CADPS: variants seen among roughly 807,000 people sequenced by gnomAD.
The protein encoded by CADPS is calcium-dependent secretion activator 1.
CADPS carries 57 observed loss-of-function variants against 167.3 expected under a neutral mutation model. That is an observed-to-expected ratio of 0.34 (90% CI 0.28 to 0.42). The LOEUF (loss-of-function observed/expected upper bound fraction) is 0.42, where lower values mean the gene tolerates loss of function less well. Among genes scored for constraint, CADPS ranks in the 20% least tolerant of loss-of-function variants. CADPS has a pLI of 1.00. For synonymous variants in CADPS, 676 were observed against 635.3 expected (o/e 1.06, Z -0.96); for missense variants, 1,414 against 1,738.1 (o/e 0.81, Z 3.32).
At chr3:62,766,179 A>C (rs1576090311) in intron 1 of CADPS, among the ~76,000 whole-genome samples, 195 bp from the exon 2 acceptor site, 1 of 152,150 alleles carries the variant, frequency 6.6e-6, no homozygotes, top group Admixed American at 6.5e-5. Flanking sequence ...ATAATATATA[A>C]ATAAATTATA....
intron 6 of CADPS, among the ~76,000 whole-genome samples, chr3:62,597,691 G>A (rs1055266230): frequency 6.6e-6 from 1 of 152,118 alleles, no homozygotes; most frequent in African/African-American, 2.4e-5. Context: ...TCAGCTGGAC[G>A]GAATTCAGGC....
intron 1 of CADPS, among the ~76,000 whole-genome samples, chr3:62,804,103 G>A (rs11709575): frequency 0.18 from 26,924 of 152,044 alleles, 2,799 homozygotes; most frequent in Middle Eastern, 0.3. Context: ...CAATCAGGAC[G>A]TATTAATTTG....
intron 18 of CADPS, among the ~76,000 whole-genome samples, chr3:62,496,294 C>T (rs1468377638): frequency 6.6e-6 from 1 of 152,044 alleles, no homozygotes; most frequent in East Asian, 1.9e-4. Flanking sequence ...CTCAGCACCT[C>T]CCTGGAAGAT....
chr3:62,561,586 A>C (rs554487143), intron 9 of CADPS, among the ~76,000 whole-genome samples: 2 of 152,066 alleles, frequency 1.3e-5, no homozygotes, highest in Admixed American at 1.3e-4. Flanking sequence ...CTCTTAATAC[A>C]TGTTAAAATC....
chr3:62,585,333 G>C lies in CADPS; in HGVS notation c.1438-9C>G. ...GTGGGATGGAGAATAACCTGTAGGG[G>C]AAAAAGGACAAGCAACTAGAAAAGA... is the stretch of plus-strand genomic sequence containing the variant. On this transcript the variant is annotated splice_polypyrimidine_tract_variant and intron_variant, in intron 7 of 29. Transcript: ENST00000383710. The C allele has an allele frequency of 6.3e-7, 1 of 1,591,776 alleles. No individual in the cohort carries two copies. The highest frequency in any genetic ancestry group is 2.2e-5 in the East Asian group (1 of 44,620).
At chr3:62,426,820 C>T (rs1380838851) in intron 28 of CADPS, among the ~76,000 whole-genome samples, 1 of 151,574 alleles carries the variant, frequency 6.6e-6, no homozygotes, top group African/African-American at 2.4e-5. Flanking sequence ...GTAATCCCAG[C>T]ACTTTGGGAG....
chr3:62,822,568 A>G (rs1199754164), intron 1 of CADPS, among the ~76,000 whole-genome samples: 1 of 152,234 alleles, frequency 6.6e-6, no homozygotes, highest in Non-Finnish European at 1.5e-5. Context: ...TCAGCCAGGC[A>G]TAGTGGCTCA....
At chr3:62,642,515 A>G (rs1025646239) in intron 6 of CADPS, among the ~76,000 whole-genome samples, 1 of 152,228 alleles carries the variant, frequency 6.6e-6, no homozygotes. Context: ...ATAAAGCTTC[A>G]AAGAAAAGAG....
At chr3:62,699,685 C>T (rs368861687) in intron 3 of CADPS, among the ~76,000 whole-genome samples, 8 of 152,114 alleles carry the variant, frequency 5.3e-5, no homozygotes, top group African/African-American at 1.9e-4. Context: ...TTTCCTGCCT[C>T]AGCTTCCTGA....
chr3:62,787,448 T>C lies in CADPS; in HGVS notation c.442-21464A>G, dbSNP rs954446469. On this transcript the variant is annotated intron_variant, in intron 1 of 29. Transcript: ENST00000383710. ...TACTTTATTTTCATGAGTGAAAACA[T>C]AAATAAATCAATGTATTTATCATAC... is the stretch of plus-strand genomic sequence containing the variant. 5.3e-5 allele frequency among the ~76,000 whole-genome samples: 8 copies of C among 152,304 alleles called. No individual in the cohort carries two copies. In the East Asian group the frequency reaches 1.5e-3, roughly 29 times the overall value.
chr3:62,867,072 A>C (rs527497724), intron 1 of CADPS, among the ~76,000 whole-genome samples: 1 of 152,112 alleles, frequency 6.6e-6, no homozygotes, highest in Non-Finnish European at 1.5e-5. Context: ...TTTACTCTCT[A>C]CACAAACATA....
At chr3:62,471,563 G>A (rs554282313) in intron 24 of CADPS, among the ~76,000 whole-genome samples, 1 of 152,110 alleles carries the variant, frequency 6.6e-6, no homozygotes, top group Non-Finnish European at 1.5e-5. Flanking sequence ...TGGCTTGTTT[G>A]GAAGAATTGT....
chr3:62,602,945 A>G lies in CADPS; in HGVS notation c.1326-10197T>C, dbSNP rs2060183875. ...CGGATCTTTCAAATCCCCTACGTAT[A>G]TCACAAATCTGATTTTTGCTATGGA... On this transcript the variant is annotated intron_variant, in intron 6 of 29. Transcript: ENST00000383710. This position sits in a 1 kb window ranked among gnomAD's most constrained non-coding sequence, Gnocchi z 4.4. Among the ~76,000 whole-genome samples, 1 of 152,174 alleles carries G rather than the reference A, an allele frequency of 6.6e-6. No homozygotes were observed.
intron 13 of CADPS, among the ~76,000 whole-genome samples, chr3:62,530,117 G>A (rs1367884812): frequency 1.3e-5 from 2 of 152,118 alleles, no homozygotes; most frequent in Non-Finnish European, 2.9e-5. Flanking sequence ...CTACTAAGAA[G>A]CATTAATTTG....
chr3:62,541,136 T>C (rs994733452), intron 11 of CADPS, among the ~76,000 whole-genome samples: 10 of 152,192 alleles, frequency 6.6e-5, no homozygotes, highest in Non-Finnish European at 1.5e-4. Flanking sequence ...CTCTTTTTCA[T>C]TAACCGTATT....
chr3:62,789,118 A>G (rs167346), intron 1 of CADPS, among the ~76,000 whole-genome samples: 114,617 of 152,142 alleles, frequency 0.75, 43,485 homozygotes, highest in East Asian at 0.95. Flanking sequence ...CTGTGGCAAC[A>G]TAAAACTGAC....
At chr3:62,578,141 G>T (rs561376204) in intron 8 of CADPS, among the ~76,000 whole-genome samples, 1 of 136,378 alleles carries the variant, frequency 7.3e-6, no homozygotes, top group Non-Finnish European at 1.6e-5. Flanking sequence ...GACACGAATA[G>T]GTTAAAAATA....
intron 1 of CADPS, among the ~76,000 whole-genome samples, chr3:62,801,803 TGAGG>T (rs10598479): frequency 0.64 from 96,230 of 151,498 alleles, 33,864 homozygotes; most frequent in East Asian, 0.87. Context: ...GGGTCACACA[TGAGG>T]GAGGTGAAGG....
chr3:62,634,599 T>C (rs1422524297), intron 6 of CADPS, among the ~76,000 whole-genome samples: 1 of 152,206 alleles, frequency 6.6e-6, no homozygotes, highest in Non-Finnish European at 1.5e-5. Context: ...GTTTCCAAGA[T>C]CACTGAGCAT....
Sources: gnomAD v4.1 joint callset for allele counts (sites outside exome capture counted in the v4.1 genomes callset) on GRCh38, gnomAD v4.1.1 for gene constraint, Gnocchi (gnomAD v3.1) non-coding constraint, MANE v1.5 for transcripts, NCBI Gene and HGNC (gene_info 2026-07-23, HGNC 2026-07-21) for gene names.